Variants in VAPB observed in about 807,000 individuals in gnomAD.
The protein encoded by VAPB is vesicle-associated membrane protein-associated protein B/C.
In VAPB, 7 loss-of-function variants were observed where a neutral mutation model predicts 25.6. That is an observed-to-expected ratio of 0.27 (90% confidence interval 0.16 to 0.51). The LOEUF is 0.51. Among genes scored for constraint, VAPB ranks in the 20% least tolerant of loss-of-function variants. The pLI is 0.97. For synonymous variants in VAPB, 112 were observed against 109.2 expected, an observed-to-expected ratio of 1.03 and a Z score of -0.16; for missense variants, 266 against 301.3, an observed-to-expected ratio of 0.88 and a Z score of 0.87.
rs151189632 is a variant in VAPB, at chr20:58,435,514, G to A, written c.315+809G>A. Reference sequence around the variant, plus strand: ...TTTGGCCCGCCCAAAGGGGAGCCCCGAGTCATCCACGGCAGGTCTGCCCAC... The same window carrying A: ...TTTGGCCCGCCCAAAGGGGAGCCCCAAGTCATCCACGGCAGGTCTGCCCAC... On this transcript the variant is annotated intron_variant, in intron 3 of 5. Coordinates refer to ENST00000475243, the MANE Select transcript of VAPB (RefSeq NM_004738.5). Among the ~76,000 whole-genome samples, 1,183 of 152,228 alleles carry A rather than the reference G, an allele frequency of 7.8e-3. 19 individuals are homozygous for A. The highest frequency in any genetic ancestry group is 0.011 in the Non-Finnish European group (776 of 68,010).
At chr20:58,390,601 A>G (rs932326119) in intron 1 of VAPB, among the ~76,000 whole-genome samples, 4 of 152,184 alleles carry the variant, frequency 2.6e-5, no homozygotes, top group Non-Finnish European at 4.4e-5. Context: ...AGTGCTGTGT[A>G]GGAAATGGAA....
At chr20:58,436,019 T>C (rs1989037378) in intron 3 of VAPB, among the ~76,000 whole-genome samples, 2 of 152,122 alleles carry the variant, frequency 1.3e-5, no homozygotes, top group Non-Finnish European at 2.9e-5. Flanking sequence ...TTTTGATCAT[T>C]TGTAAAATAG....
Position 58,444,073 on chromosome 20 carries a change from G to A in VAPB, c.574-4G>A, listed in dbSNP as rs201798741. The A allele has an allele frequency of 4.4e-4, 716 of 1,614,150 alleles. No individual in the cohort carries two copies. The highest frequency in any genetic ancestry group is 5.6e-4 in the Non-Finnish European group (661 of 1,180,020). ...GTCTTTGAAATGTGCGTTTGCTCCC[G>A]TAGGAAGAAGATGGACTGCGGATGA... is the stretch of plus-strand genomic sequence containing the variant. On this transcript the variant is annotated splice_polypyrimidine_tract_variant and splice_region_variant and intron_variant, in intron 5 of 5. Transcript: ENST00000475243.
intron 1 of VAPB, among the ~76,000 whole-genome samples, chr20:58,410,428 T>C (rs1054340644): frequency 6.6e-6 from 1 of 152,162 alleles, no homozygotes; most frequent in Non-Finnish European, 1.5e-5. Flanking sequence ...TTTATTTATT[T>C]ATTTTGATAA....
chr20:58,448,477 G>A lies in VAPB; in HGVS notation c.*4242G>A, dbSNP rs1446564963. 2.2e-6 allele frequency: 1 copy of A among 454,052 alleles called. No individual in the cohort carries two copies. Among genetic ancestry groups the A allele is most frequent in the Non-Finnish European group, 4.4e-6 (1 of 226,766 alleles). The allele number at this position is 454,052 out of a possible 1,614,324, so 28.1% of individuals were successfully genotyped here. On this transcript the variant is annotated 3_prime_UTR_variant, in exon 6 of 6. Transcript: ENST00000475243. ...TTAATCCTTGCAACTGTGACTGGGG[G>A]GTAGATGGCTCTGTTTGCATACGAA...
chr20:58,436,327 CTTTTTTTTTTTTTTT>C (rs57100987), intron 3 of VAPB, among the ~76,000 whole-genome samples: 2 of 114,960 alleles, frequency 1.7e-5, no homozygotes, highest in African/African-American at 3.3e-5. Context: ...GTTTTTCTTC[CTTTTTTTTTTTTTTT>C]TTTTTTTTGG....
At chr20:58,430,158 A>T (rs1173889562) in intron 2 of VAPB, among the ~76,000 whole-genome samples, 1 of 151,060 alleles carries the variant, frequency 6.6e-6, no homozygotes, top group Non-Finnish European at 1.5e-5. Context: ...ACATAATTAC[A>T]TGTTAACAGA....
intron 1 of VAPB, among the ~76,000 whole-genome samples, chr20:58,396,482 A>G (rs1260997733): frequency 1.3e-5 from 2 of 152,126 alleles, no homozygotes; most frequent in Non-Finnish European, 2.9e-5. Context: ...AATGGGATGT[A>G]CCCCTAGACC....
At chr20:58,397,852 T>C (rs918424922) in intron 1 of VAPB, among the ~76,000 whole-genome samples, 1 of 152,186 alleles carries the variant, frequency 6.6e-6, no homozygotes, top group African/African-American at 2.4e-5. Context: ...GAGGTAAACT[T>C]AAGGTGATTA....
Position 58,432,150 on chromosome 20 carries a change from A to G in VAPB, c.212-2452A>G, listed in dbSNP as rs1194568019. 3.9e-5 allele frequency among the ~76,000 whole-genome samples: 6 copies of G among 152,062 alleles called. No homozygotes were observed. In the East Asian group the frequency reaches 1.2e-3, roughly 29 times the overall value. On this transcript the variant is annotated intron_variant, in intron 2 of 5. Coordinates refer to ENST00000475243, the MANE Select transcript of VAPB (RefSeq NM_004738.5). Reference sequence around the variant, plus strand: ...CTCTTGGCTGTACTTTTTTACTCCCACTGCCTCTAGGAAGGTGATGAATGG... The same window carrying G: ...CTCTTGGCTGTACTTTTTTACTCCCGCTGCCTCTAGGAAGGTGATGAATGG...
At position 58,444,763 on chromosome 20, in the gene VAPB, A is replaced by G. The variant is rs559123376; in HGVS notation, c.*528A>G. Reference sequence around the variant, plus strand: ...GACTGATGAACAGAGTCAGAAGCCCAAAGGAATTGCACTGTGGCAGCATCA... The same window carrying G: ...GACTGATGAACAGAGTCAGAAGCCCGAAGGAATTGCACTGTGGCAGCATCA... On this transcript the variant is annotated 3_prime_UTR_variant, in exon 6 of 6. Transcript: ENST00000475243. 8.8e-6 allele frequency: 4 copies of G among 454,586 alleles called. No homozygotes were observed. The highest frequency in any genetic ancestry group is 6.2e-5 in the South Asian group (4 of 64,474). The allele number at this position is 454,586 out of a possible 1,614,324, so 28.2% of individuals were successfully genotyped here.
intron 2 of VAPB, among the ~76,000 whole-genome samples, chr20:58,426,936 C>T (rs1044407836): frequency 6.6e-6 from 1 of 152,180 alleles, no homozygotes; most frequent in Admixed American, 6.5e-5. Flanking sequence ...GCTCTGTTAC[C>T]GTTATAATGC....
intron 1 of VAPB, among the ~76,000 whole-genome samples, chr20:58,415,057 C>T (rs1314723819): frequency 6.6e-6 from 1 of 152,242 alleles, no homozygotes; most frequent in Non-Finnish European, 1.5e-5. Context: ...ACCCCGTCTC[C>T]ACCAAAACCA....
At chr20:58,426,198 G>A (rs921091948) in intron 2 of VAPB, among the ~76,000 whole-genome samples, 1 of 152,042 alleles carries the variant, frequency 6.6e-6, no homozygotes, top group African/African-American at 2.4e-5. Flanking sequence ...ACCTGGCCTT[G>A]TTTGTTTAGT....
intron 3 of VAPB, among the ~76,000 whole-genome samples, chr20:58,438,076 GGTGCTCTCACTACAGCCT>G (rs1260359402): frequency 2.0e-5 from 3 of 152,114 alleles, no homozygotes; most frequent in African/African-American, 7.2e-5. Context: ...TAGCTAGGAA[GGTGCTCTCACTACAGCCT>G]GGAGGGATGG....
At chr20:58,407,908 TA>T (rs1398973444) in intron 1 of VAPB, among the ~76,000 whole-genome samples, 1 of 152,232 alleles carries the variant, frequency 6.6e-6, no homozygotes, top group Non-Finnish European at 1.5e-5. Context: ...ATCTGTTATA[TA>T]AACTGCAAAT....
In VAPB at chr20:58,389,246, C is replaced by T. The variant is rs1165083167; in HGVS notation, c.-214C>T. Reference sequence around the variant, plus strand: ...GCGTGCGTGCGTGCCGTCAGCTCGCCGGGCACCGCGGCCTCGCCCTCGCCC... The same window carrying T: ...GCGTGCGTGCGTGCCGTCAGCTCGCTGGGCACCGCGGCCTCGCCCTCGCCC... On this transcript the variant is annotated 5_prime_UTR_variant, in exon 1 of 6. Coordinates refer to ENST00000475243, the MANE Select transcript of VAPB (RefSeq NM_004738.5). 5 of 662,216 alleles carry T rather than the reference C, an allele frequency of 7.6e-6. No individual in the cohort carries two copies. The highest frequency in any genetic ancestry group is 3.1e-5 in the South Asian group (2 of 64,920). The allele number at this position is 662,216 out of a possible 1,614,324, so 41.0% of individuals were successfully genotyped here.
intron 1 of VAPB, among the ~76,000 whole-genome samples, chr20:58,405,215 T>C (rs904981245): frequency 6.6e-6 from 1 of 152,174 alleles, no homozygotes; most frequent in African/African-American, 2.4e-5. Context: ...AAAATGAGTG[T>C]ATGAACTGTG....
chr20:58,390,402 T>C (rs1387426382), intron 1 of VAPB: 2 of 150,872 alleles, frequency 1.3e-5, no homozygotes, highest in Non-Finnish European at 3.0e-5. Context: ...TTTTCCTACC[T>C]TCACCAGGGC....
Sources: allele counts gnomAD v4.1 joint callset (sites outside exome capture counted in the v4.1 genomes callset), GRCh38; gene constraint gnomAD v4.1.1; transcripts MANE v1.5; gene names NCBI Gene and HGNC (gene_info 2026-07-23, HGNC 2026-07-21).